F13A1: variants seen among roughly 807,000 people sequenced by gnomAD.
The protein encoded by F13A1 is FSF, A subunit.
Under a neutral mutation model 80.1 loss-of-function variants are expected in F13A1, and 47 were observed. The observed-to-expected ratio is 0.59, with a 90% CI of 0.46 to 0.75. The LOEUF (loss-of-function observed/expected upper bound fraction) is 0.75. Among genes scored for constraint, F13A1 ranks in the 30% least tolerant of loss-of-function variants. The pLI, the probability that F13A1 is intolerant of heterozygous loss-of-function variation, is 0.00. For synonymous variants in F13A1, 349 were observed against 344.9 expected, an observed-to-expected ratio of 1.01 and a Z score of -0.13; for missense variants, 817 against 930.4, an observed-to-expected ratio of 0.88 and a Z score of 1.59.
intron 11 of F13A1, among the ~76,000 whole-genome samples, chr6:6,180,073 C>T (rs1033736406): frequency 6.6e-6 from 1 of 152,228 alleles, no homozygotes; most frequent in African/African-American, 2.4e-5. Flanking sequence ...TCGCTTCCTG[C>T]TGCCCCTAGC....
chr6:6,185,627 G>A (rs1254465117), intron 10 of F13A1, among the ~76,000 whole-genome samples: 2 of 151,578 alleles, frequency 1.3e-5, no homozygotes, highest in Admixed American at 1.3e-4. Flanking sequence ...ATCATTGTTG[G>A]ACATTTGGGT....
chr6:6,304,309 T>C (rs1405501532), intron 3 of F13A1, among the ~76,000 whole-genome samples: 2 of 152,182 alleles, frequency 1.3e-5, no homozygotes, highest in Non-Finnish European at 2.9e-5. Flanking sequence ...CTGATTTGAT[T>C]GCCTAATTTT....
intron 13 of F13A1, among the ~76,000 whole-genome samples, chr6:6,160,278 A>AG (rs1311824638): frequency 6.7e-6 from 1 of 149,874 alleles, no homozygotes; most frequent in East Asian, 2.0e-4. Flanking sequence ...CTCCATCTAA[A>AG]AAAAAAAAAG....
chr6:6,157,237 A>G lies in F13A1; in HGVS notation c.1909-5288T>C, dbSNP rs144590079. On this transcript the variant is annotated intron_variant, in intron 13 of 14. Transcript: ENST00000264870. ...CTTATTTAATCTTCTCTACAGCCCT[A>G]TGGTCTTGGGGGTAGACATGATTAT... Among the ~76,000 whole-genome samples the G allele has an allele frequency of 3.4e-3, 518 of 152,214 alleles. 4 individuals are homozygous for G. The highest frequency in any genetic ancestry group is 0.011 in the African/African-American group (475 of 41,536).
chr6:6,207,079 T>C (rs963578380), intron 8 of F13A1, among the ~76,000 whole-genome samples: 2 of 152,080 alleles, frequency 1.3e-5, no homozygotes, highest in Admixed American at 1.3e-4. Context: ...CTGAGGGGCA[T>C]TTATTCAAGG....
chr6:6,286,915 G>A (rs1758147219), intron 3 of F13A1, among the ~76,000 whole-genome samples: 1 of 152,154 alleles, frequency 6.6e-6, no homozygotes, highest in African/African-American at 2.4e-5. Flanking sequence ...ATTTTATGAA[G>A]GTTATCCTTC....
chr6:6,174,525 C>A, intron 12 of F13A1, 55 bp downstream of exon 12: 1 of 1,594,816 alleles, frequency 6.3e-7, no homozygotes, highest in Non-Finnish European at 8.6e-7. Context: ...TAACACCTAG[C>A]AAGACAGGGG....
intron 3 of F13A1, among the ~76,000 whole-genome samples, chr6:6,281,285 C>G (rs1297646031): frequency 6.6e-6 from 1 of 152,150 alleles, no homozygotes; most frequent in Non-Finnish European, 1.5e-5. Context: ...TGGGAGAGGG[C>G]ATGCTCTTTA....
At chr6:6,190,831 C>G (rs1403134228) in intron 10 of F13A1, among the ~76,000 whole-genome samples, 1 of 151,624 alleles carries the variant, frequency 6.6e-6, no homozygotes, top group Non-Finnish European at 1.5e-5. Flanking sequence ...GCCTCGCTGC[C>G]GCCTTGCAGT....
intron 10 of F13A1, among the ~76,000 whole-genome samples, chr6:6,193,171 G>T (rs564498169): frequency 6.6e-6 from 1 of 152,284 alleles, no homozygotes; most frequent in East Asian, 1.9e-4. Flanking sequence ...AACTTCCAAA[G>T]TGGAGGAGGA....
At chr6:6,145,947 T>C (rs546209484) in intron 14 of F13A1, among the ~76,000 whole-genome samples, 175 bp from the exon 15 acceptor site, 2 of 152,278 alleles carry the variant, frequency 1.3e-5, no homozygotes, top group South Asian at 4.1e-4. Flanking sequence ...GGCCCCCACA[T>C]AAAGCTCTGC....
At chr6:6,294,894 C>A (rs1179283397) in intron 3 of F13A1, among the ~76,000 whole-genome samples, 3 of 113,542 alleles carry the variant, frequency 2.6e-5, no homozygotes, top group African/African-American at 1.0e-4. Context: ...TCCCTCCCCC[C>A]TCCCCCCACC....
intron 10 of F13A1, among the ~76,000 whole-genome samples, chr6:6,183,682 G>A (rs1761027709): frequency 6.6e-6 from 1 of 152,148 alleles, no homozygotes; most frequent in South Asian, 2.1e-4. Context: ...GAGCACATGG[G>A]GCAGTGGAGT....
intron 8 of F13A1, among the ~76,000 whole-genome samples, chr6:6,209,470 C>G (rs896594633): frequency 6.6e-6 from 1 of 152,026 alleles, no homozygotes; most frequent in African/African-American, 2.4e-5. Context: ...CATAGAGTTA[C>G]CATACAACCC....
intron 3 of F13A1, among the ~76,000 whole-genome samples, chr6:6,278,351 C>G (rs949812322): frequency 2.6e-5 from 4 of 152,236 alleles, no homozygotes. Context: ...ATTTTAGAGA[C>G]AGTGGCCAGA....
chr6:6,271,184 A>G (rs1434799477), intron 3 of F13A1, among the ~76,000 whole-genome samples: 1 of 152,220 alleles, frequency 6.6e-6, no homozygotes, highest in South Asian at 2.1e-4. Context: ...TGATGTGCCA[A>G]TAGAACCTCA....
At chr6:6,172,167 G>A (rs1185487003) in intron 12 of F13A1, among the ~76,000 whole-genome samples, 1 of 152,162 alleles carries the variant, frequency 6.6e-6, no homozygotes, top group Non-Finnish European at 1.5e-5. Flanking sequence ...CGGGGTGTGT[G>A]TGCTGTTTTT....
intron 8 of F13A1, among the ~76,000 whole-genome samples, chr6:6,207,925 C>G (rs1367299225): frequency 6.6e-6 from 1 of 152,130 alleles, no homozygotes; most frequent in East Asian, 1.9e-4. Flanking sequence ...ACAATAGGTG[C>G]TAGAGAACAG....
At chr6:6,300,466 C>G (rs373454138) in intron 3 of F13A1, among the ~76,000 whole-genome samples, 3 of 152,096 alleles carry the variant, frequency 2.0e-5, no homozygotes, top group African/African-American at 7.2e-5. Flanking sequence ...TTAAGCCTGT[C>G]GGAAAAGTGC....
Sources: allele counts gnomAD v4.1 joint callset (sites outside exome capture counted in the v4.1 genomes callset), GRCh38; gene constraint gnomAD v4.1.1; transcripts MANE v1.5; gene names NCBI Gene and HGNC (gene_info 2026-07-23, HGNC 2026-07-21).